The following DCC variants were observed in gnomAD, a reference collection of about 807,000 sequenced individuals.
DCC encodes the protein netrin receptor DCC.
A neutral mutation model predicts 172.5 loss-of-function variants in DCC; 58 were observed. That is an observed-to-expected ratio of 0.34 (90% CI 0.27 to 0.42). The LOEUF (loss-of-function observed/expected upper bound fraction) is 0.42, where lower values mean the gene tolerates loss of function less well. Ranked by LOEUF, DCC falls within the 10% of genes least tolerant of loss-of-function variation. The pLI is 1.00. For synonymous variants in DCC, 709 were observed against 644.5 expected (o/e 1.10, Z -1.52); for missense variants, 1,740 against 1,791.0 (o/e 0.97, Z 0.51).
At chr18:52,504,381 G>C (rs546675385) in intron 1 of DCC, among the ~76,000 whole-genome samples, 1 of 152,150 alleles carries the variant, frequency 6.6e-6, no homozygotes, top group Non-Finnish European at 1.5e-5. Flanking sequence ...CTAGTGACTG[G>C]CTAGTACTTC....
chr18:52,445,159 C>G (rs190142358), intron 1 of DCC, among the ~76,000 whole-genome samples: 1 of 152,280 alleles, frequency 6.6e-6, no homozygotes, highest in Non-Finnish European at 1.5e-5. Flanking sequence ...AAACTTAGTA[C>G]AATTCCTAAA....
chr18:52,537,899 T>C (rs980696858), intron 1 of DCC, among the ~76,000 whole-genome samples: 8 of 152,212 alleles, frequency 5.3e-5, no homozygotes, highest in Non-Finnish European at 2.9e-5. Context: ...TTTTCCATGA[T>C]TACTAGAATT....
At chr18:53,008,373 G>A (rs2041676456) in intron 5 of DCC, among the ~76,000 whole-genome samples, 2 of 152,010 alleles carry the variant, frequency 1.3e-5, no homozygotes, top group Non-Finnish European at 2.9e-5. Flanking sequence ...CATGGAAGTG[G>A]TTGGAAACTG....
chr18:52,952,585 C>A (rs2040667848), intron 5 of DCC, among the ~76,000 whole-genome samples: 1 of 152,184 alleles, frequency 6.6e-6, no homozygotes, highest in African/African-American at 2.4e-5. Flanking sequence ...CTACTCAGCT[C>A]AAGTACCCCC....
At position 53,379,269 on chromosome 18, in the gene DCC, A is replaced by G. The variant is rs561375083; in HGVS notation, c.2360-6774A>G. Among the ~76,000 whole-genome samples the G allele has an allele frequency of 1.7e-4, 26 of 152,408 alleles. 1 individual carries two copies. In the South Asian group the frequency reaches 5.0e-3, roughly 29 times the overall value. ...TGCTAACAGAGAGGGCAAAAGATGC[A>G]GGAACATGCAGAGTGGGCCCCGACA... On this transcript the variant is annotated intron_variant, in intron 15 of 28. Transcript: ENST00000442544.
chr18:53,431,848 A>G (rs927849413), intron 21 of DCC, among the ~76,000 whole-genome samples: 15 of 152,316 alleles, frequency 9.8e-5, no homozygotes, highest in Middle Eastern at 3.4e-3. Flanking sequence ...AGGAAAAAAT[A>G]AACTACTGAT....
At chr18:53,119,664 G>A (rs186902748) in intron 7 of DCC, among the ~76,000 whole-genome samples, 39 of 151,866 alleles carry the variant, frequency 2.6e-4, no homozygotes, top group Non-Finnish European at 5.2e-4. Flanking sequence ...TAAACATGTG[G>A]CTCTGTGGAG....
chr18:52,728,746 C>T (rs2036591378), intron 1 of DCC, among the ~76,000 whole-genome samples: 1 of 152,120 alleles, frequency 6.6e-6, no homozygotes, highest in South Asian at 2.1e-4. Flanking sequence ...ATGAAAGAGC[C>T]CAAATGAGGG....
At chr18:53,289,337 A>G (rs747797524) in intron 12 of DCC, among the ~76,000 whole-genome samples, 5 of 152,136 alleles carry the variant, frequency 3.3e-5, no homozygotes, top group Non-Finnish European at 7.4e-5. Context: ...GGGTAATATT[A>G]TTTGTGTTTC....
At chr18:52,883,376 GTGTGTGTGTGTGTGTGAGA>G (rs1215149953) in intron 2 of DCC, among the ~76,000 whole-genome samples, 7 of 126,536 alleles carry the variant, frequency 5.5e-5, no homozygotes, top group East Asian at 5.2e-4. Context: ...GTGTGTGTGT[GTGTGTGTGTGTGTGTGAGA>G]TCTCTTTCTG....
At chr18:53,354,017 G>C (rs1464243683) in intron 15 of DCC, among the ~76,000 whole-genome samples, 4 of 152,072 alleles carry the variant, frequency 2.6e-5, no homozygotes, top group Non-Finnish European at 4.4e-5. Flanking sequence ...GCGGTGTTTG[G>C]TTTTCTGTCC....
chr18:52,662,347 G>T (rs1024894633), intron 1 of DCC, among the ~76,000 whole-genome samples: 1 of 152,072 alleles, frequency 6.6e-6, no homozygotes, highest in Non-Finnish European at 1.5e-5. Context: ...AATGATAATA[G>T]AAACAATCCA....
At chr18:52,489,014 A>G (rs957118916) in intron 1 of DCC, among the ~76,000 whole-genome samples, 99 of 152,072 alleles carry the variant, frequency 6.5e-4, no homozygotes, top group African/African-American at 2.3e-3. Flanking sequence ...TCCTTGTGGT[A>G]TCATGATTAA....
intron 12 of DCC, among the ~76,000 whole-genome samples, chr18:53,304,018 C>T (rs1203621892): frequency 2.6e-5 from 4 of 152,094 alleles, no homozygotes; most frequent in African/African-American, 9.7e-5. Flanking sequence ...TCCTACCCGA[C>T]TATCCCCAGC....
At chr18:53,276,963 G>A (rs977380413) in intron 12 of DCC, among the ~76,000 whole-genome samples, 1 of 151,886 alleles carries the variant, frequency 6.6e-6, no homozygotes, top group African/African-American at 2.4e-5. Context: ...CCAAGAGAGG[G>A]CATCCTAAAA....
chr18:52,879,437 T>C (rs1368460648), intron 2 of DCC, among the ~76,000 whole-genome samples: 1 of 96,558 alleles, frequency 1.0e-5, no homozygotes, highest in Non-Finnish European at 2.1e-5. Flanking sequence ...TTTTTTTTTT[T>C]TTTTGAGATG....
chr18:52,508,099 CA>C (rs11308825), intron 1 of DCC, among the ~76,000 whole-genome samples: 85,510 of 148,046 alleles, frequency 0.58, 24,733 homozygotes, highest in South Asian at 0.69. Context: ...GACTCTGTCT[CA>C]AAAAAAAAAA....
intron 2 of DCC, among the ~76,000 whole-genome samples, chr18:52,847,364 G>A (rs2038911006): frequency 6.6e-6 from 1 of 152,180 alleles, no homozygotes; most frequent in Non-Finnish European, 1.5e-5. Flanking sequence ...TTGACCCATT[G>A]GTTGCTGGAT....
At chr18:52,552,251 A>C (rs142944000) in intron 1 of DCC, among the ~76,000 whole-genome samples, 17 of 152,164 alleles carry the variant, frequency 1.1e-4, no homozygotes, top group African/African-American at 4.1e-4. Context: ...GGGCAAAGCA[A>C]AATGACCAGA....
Sources: gnomAD v4.1 joint callset for allele counts (sites outside exome capture counted in the v4.1 genomes callset) on GRCh38, gnomAD v4.1.1 for gene constraint, MANE v1.5 for transcripts, NCBI Gene and HGNC (gene_info 2026-07-23, HGNC 2026-07-21) for gene names.